The following SLC27A1 variants were observed in gnomAD, a reference collection of about 807,000 sequenced individuals.
SLC27A1 encodes solute carrier family 27 member 1, also known as long-chain fatty acid transport protein 1.
In SLC27A1, 61 loss-of-function variants were observed where a neutral mutation model predicts 62.2. The ratio of observed to expected loss-of-function variants is 0.98; its 90% CI spans 0.80 to 1.21. SLC27A1 has a LOEUF of 1.21. Ranked by LOEUF, SLC27A1 falls within the 50% of genes most tolerant of loss-of-function variation. The probability of loss-of-function intolerance (pLI) is 0.00; values close to 1 mark genes in which losing one functional copy is unlikely to be tolerated. For synonymous variants in SLC27A1, 435 were observed against 408.6 expected, an observed-to-expected ratio of 1.06 and a Z score of -0.78; for missense variants, 903 against 932.1, an observed-to-expected ratio of 0.97 and a Z score of 0.41.
chr19:17,476,883 GTT>G (rs71162144), intron 1 of SLC27A1, among the ~76,000 whole-genome samples: 75,875 of 132,756 alleles, frequency 0.57, 20,548 homozygotes, highest in African/African-American at 0.63. Flanking sequence ...ATGATCATCT[GTT>G]TTTTTTTTTT....
chr19:17,487,632 C>A, intron 4 of SLC27A1, 103 bp downstream of exon 4: 1 of 1,184,956 alleles, frequency 8.4e-7, no homozygotes, highest in South Asian at 1.3e-5. Flanking sequence ...TCCATGTTAC[C>A]CTGGGGACAG....
At chr19:17,480,870 G>A (rs1486751373) in intron 1 of SLC27A1, among the ~76,000 whole-genome samples, 2 of 150,872 alleles carry the variant, frequency 1.3e-5, no homozygotes, top group Non-Finnish European at 2.9e-5. Context: ...CCATCTTTGC[G>A]TCCGTGCGTA....
chr19:17,497,158 T>A lies in SLC27A1; in HGVS notation c.997-97T>A, dbSNP rs1456955374. On this transcript the variant is annotated intron_variant, in intron 6 of 11. Coordinates refer to ENST00000252595, the MANE Select transcript of SLC27A1 (RefSeq NM_198580.3). ...CCTTAGGCTGTTCCGCTCATAGGAT[T>A]AGCTCCCTGGGTGGGGCGGTCTCGG... The A allele has an allele frequency of 3.9e-5, 36 of 915,072 alleles. No homozygotes were observed. In the Admixed American group the frequency reaches 1.1e-3, roughly 28 times the overall value. The allele number at this position is 915,072 out of a possible 1,614,324, so 56.7% of individuals were successfully genotyped here.
intron 1 of SLC27A1, among the ~76,000 whole-genome samples, chr19:17,479,591 T>A (rs891927632): frequency 2.6e-5 from 4 of 152,210 alleles, no homozygotes; most frequent in Non-Finnish European, 5.9e-5. Context: ...CCAAACTTTT[T>A]ATTTTTTAAA....
In SLC27A1 at chr19:17,486,677, G is replaced by C; in HGVS notation, c.282G>C (p.Ala94=). The part of the protein sequence containing the change: ...AVVQRQPERL[A]LVDAGTGECW... Reference sequence around the variant, plus strand: ...TGCAGCGACAGCCCGAGCGCCTGGCGCTGGTGGATGCCGGGACCGGCGAGT... The same window carrying C: ...TGCAGCGACAGCCCGAGCGCCTGGCCCTGGTGGATGCCGGGACCGGCGAGT... Residue 94 remains alanine (A), a synonymous_variant, in exon 2 of 12, where the codon GCG becomes GCC. Coordinates refer to ENST00000252595, the MANE Select transcript of SLC27A1 (RefSeq NM_198580.3). This position sits in a 1 kb window ranked among gnomAD's most constrained non-coding sequence, Gnocchi z 6.6. 6.2e-7 allele frequency: 1 copy of C among 1,610,552 alleles called. No homozygotes were observed. The highest frequency in any genetic ancestry group is 8.5e-7 in the Non-Finnish European group (1 of 1,179,586).
upstream of SLC27A1, among the ~76,000 whole-genome samples, chr19:17,469,794 C>T (rs1278197630): frequency 6.9e-6 from 1 of 144,724 alleles, no homozygotes; most frequent in African/African-American, 2.6e-5. Flanking sequence ...GGCCCGTGGC[C>T]AGGATAGAAC....
chr19:17,487,695 A>G (rs897465146), intron 4 of SLC27A1, among the ~76,000 whole-genome samples, 166 bp downstream of exon 4: 5 of 152,106 alleles, frequency 3.3e-5, no homozygotes, highest in Non-Finnish European at 5.9e-5. Flanking sequence ...ACCAGGGCCA[A>G]GCCCTCCACG....
At chr19:17,499,162 T>C (rs1280247026) in intron 7 of SLC27A1, 2 of 218,394 alleles carry the variant, frequency 9.2e-6, no homozygotes, top group South Asian at 5.6e-5. Context: ...AGCAGGTGTT[T>C]TTCCTTGACA....
rs562168059 is a variant in SLC27A1 at position 17,504,436 on chromosome 19, C to T, written c.1784-19C>T. 1.2e-6 allele frequency: 2 copies of T among 1,613,680 alleles called. No individual in the cohort carries two copies. The highest frequency in any genetic ancestry group is 1.7e-6 in the Non-Finnish European group (2 of 1,179,918). On this transcript the variant is annotated intron_variant, in intron 11 of 11. Coordinates refer to ENST00000252595, the MANE Select transcript of SLC27A1 (RefSeq NM_198580.3). The stretch of plus-strand genomic sequence containing the variant: ...AAGCCACCTGCTCAGCCCTTATCTG[C>T]CCCCCATCCCCACTATAGGCACCTT...
At position 17,500,503 on chromosome 19, in the gene SLC27A1, G is replaced by A; in HGVS notation, c.1342G>A (p.Gly448Ser). ...CATGGCCTTCTCCCTAGGGGAGCCT[G>A]GCCTCCTTGTGGGTCAGATCAACCA... ...LCIPCQAGEP[G>S]LLVGQINQQD... is the part of the protein sequence containing the mutation. Residue 448 changes from glycine to serine, a missense_variant, in exon 9 of 12, where the codon GGC becomes AGC. By Grantham distance (56) the Gly-to-Ser change is moderately conservative (BLOSUM62 0). Transcript: ENST00000252595. The A allele has an allele frequency of 1.2e-6, 2 of 1,613,610 alleles. No homozygotes were observed. The highest frequency in any genetic ancestry group is 1.7e-6 in the Non-Finnish European group (2 of 1,179,824).
chr19:17,498,179 G>C (rs1383831545), intron 7 of SLC27A1: 4 of 152,246 alleles, frequency 2.6e-5, no homozygotes, highest in African/African-American at 9.7e-5. Flanking sequence ...GACCAGCATA[G>C]CCAATGTAGT....
intron 1 of SLC27A1, among the ~76,000 whole-genome samples, chr19:17,476,289 A>T (rs1283704184): frequency 6.6e-6 from 1 of 152,148 alleles, no homozygotes; most frequent in Non-Finnish European, 1.5e-5. Context: ...TAATCCCAGC[A>T]CTTTGGGAGG....
At chr19:17,472,994 C>T (rs1049105109) in intron 1 of SLC27A1, among the ~76,000 whole-genome samples, 2 of 152,114 alleles carry the variant, frequency 1.3e-5, no homozygotes, top group African/African-American at 4.8e-5. Flanking sequence ...GATGAGGTCT[C>T]GCTATATTGC....
intron 6 of SLC27A1, among the ~76,000 whole-genome samples, chr19:17,493,369 A>G (rs1162762183): frequency 7.6e-6 from 1 of 131,108 alleles, no homozygotes; most frequent in Non-Finnish European, 1.6e-5. Flanking sequence ...TGGAGGTTGC[A>G]GTGAGCCGAG....
At chr19:17,493,523 C>T (rs1377959455) in intron 6 of SLC27A1, among the ~76,000 whole-genome samples, 1 of 150,820 alleles carries the variant, frequency 6.6e-6, no homozygotes, top group African/African-American at 2.4e-5. Context: ...TATTTGGGTT[C>T]AGAAATTACA....
At chr19:17,492,359 C>T (rs1482688106) in intron 6 of SLC27A1, 1 of 152,150 alleles carries the variant, frequency 6.6e-6, no homozygotes, top group Non-Finnish European at 1.5e-5. Context: ...TACTTACTGT[C>T]TCCTGGGCCT....
chr19:17,488,552 C>T (rs937718656), intron 4 of SLC27A1, among the ~76,000 whole-genome samples: 1 of 152,182 alleles, frequency 6.6e-6, no homozygotes, highest in Non-Finnish European at 1.5e-5. Context: ...ATAGCTCGCC[C>T]CCACAGCTCT....
In SLC27A1 at chr19:17,480,457, ACCT is replaced by A. The variant is rs543961290; in HGVS notation, c.168-6102_168-6100del. On this transcript the variant is annotated intron_variant, in intron 1 of 11. Coordinates refer to ENST00000252595, the MANE Select transcript of SLC27A1 (RefSeq NM_198580.3). ...ATTATCATGGCTCACTGCAACCCTG[ACCT>A]CCTAGGCCCAAGCGATCCTCCTGTC... Among the ~76,000 whole-genome samples the A allele has an allele frequency of 1.1e-3, 163 of 147,582 alleles. 1 individual carries two copies. Among genetic ancestry groups the A allele is most frequent in the African/African-American group, 4.0e-3 (158 of 39,806 alleles).
intron 7 of SLC27A1, chr19:17,498,617 AAG>A (rs1318754755): frequency 9.0e-6 from 2 of 222,254 alleles, no homozygotes; most frequent in African/African-American, 4.6e-5. Flanking sequence ...TGTAGAAATA[AAG>A]ACACAAGACA....
Sources: allele counts gnomAD v4.1 joint callset (sites outside exome capture counted in the v4.1 genomes callset), GRCh38; gene constraint gnomAD v4.1.1; non-coding constraint Gnocchi (gnomAD v3.1); transcripts MANE v1.5; gene names NCBI Gene and HGNC (gene_info 2026-07-23, HGNC 2026-07-21).